Variants in FARP2 observed in about 807,000 individuals in gnomAD.
The protein encoded by FARP2 is FERM, ARH/RhoGEF and pleckstrin domain protein 2.
FARP2 carries 111 observed loss-of-function variants against 130.5 expected under a neutral mutation model. The ratio of observed to expected loss-of-function variants is 0.85; its 90% confidence interval spans 0.73 to 1.00. FARP2 has a LOEUF of 1.00. Among genes scored for constraint, FARP2 ranks in the 50% least tolerant of loss-of-function variants. The pLI is 0.00. For missense variants in FARP2, 1,385 were observed against 1,346.3 expected (o/e 1.03, Z -0.45); for synonymous variants, 504 against 516.9 (o/e 0.98, Z 0.34).
In FARP2 at chr2:241,475,792, G is replaced by C; in HGVS notation, c.2132-65G>C. 7.1e-7 allele frequency: 1 copy of C among 1,405,706 alleles called. No individual in the cohort carries two copies. The highest frequency in any genetic ancestry group is 9.4e-7 in the Non-Finnish European group (1 of 1,059,606). 87.1% of individuals were successfully genotyped at this position (1,405,706 alleles called of 1,614,324 possible). A position where few individuals can be genotyped will look rare whatever the true frequency, so the allele number is the denominator to read the frequency against. ...AGAATGCTGGTTCCTGTCACAAGGT[G>C]GTGGGTGGAGGGTGCTGTGCACACC... On this transcript the variant is annotated intron_variant, in intron 18 of 26. Transcript: ENST00000264042. This position sits in a 1 kb window ranked among gnomAD's most constrained non-coding sequence, Gnocchi z 4.4.
intron 8 of FARP2, among the ~76,000 whole-genome samples, chr2:241,426,925 A>G (rs1407504409): frequency 6.6e-6 from 1 of 152,134 alleles, no homozygotes; most frequent in Non-Finnish European, 1.5e-5. Flanking sequence ...CCATATCCGC[A>G]GGAAAATAAA....
chr2:241,464,101 C>G, intron 17 of FARP2, 121 bp downstream of exon 17: 3 of 763,414 alleles, frequency 3.9e-6, no homozygotes, highest in Non-Finnish European at 6.6e-6. Context: ...AGAACAGGAT[C>G]CCCCTCAGAG....
chr2:241,430,581 A>T (rs1418858255), intron 8 of FARP2, among the ~76,000 whole-genome samples: 1 of 152,106 alleles, frequency 6.6e-6, no homozygotes, highest in African/African-American at 2.4e-5. Flanking sequence ...TCAGTGAGAA[A>T]CCTGACTCTA....
intron 12 of FARP2, among the ~76,000 whole-genome samples, chr2:241,440,696 C>A (rs1266000260): frequency 2.0e-5 from 3 of 152,162 alleles, no homozygotes; most frequent in African/African-American, 7.2e-5. Context: ...AGAACTTGGA[C>A]TTGTTACTCA....
At chr2:241,370,643 C>T (rs1381701241) in intron 1 of FARP2, among the ~76,000 whole-genome samples, 1 of 152,120 alleles carries the variant, frequency 6.6e-6, no homozygotes, top group African/African-American at 2.4e-5. Context: ...TGAAAAGGCT[C>T]GTTTATGATT....
chr2:241,468,430 G>T (rs1288117503), intron 18 of FARP2, 53 bp downstream of exon 18: 1 of 1,432,842 alleles, frequency 7.0e-7, no homozygotes, highest in Non-Finnish European at 9.7e-7. Context: ...TGGCTGGGAG[G>T]CAGGGGCGGC....
Position 241,456,910 on chromosome 2 carries a change from G to A in FARP2, c.1575G>A (p.Glu525=). 1 of 1,597,694 alleles carries A rather than the reference G, an allele frequency of 6.3e-7. No individual in the cohort carries two copies. Among genetic ancestry groups the A allele is most frequent in the Non-Finnish European group, 8.5e-7 (1 of 1,171,332 alleles). The change falls in exon 14 of 27, where the codon GAG becomes GAA. Residue 525 remains glutamate (E), a synonymous_variant. Coordinates refer to ENST00000264042, the MANE Select transcript of FARP2 (RefSeq NM_014808.4). ...DAGGAGMDCE[E]PRHKRVPADE... ...GCGGAGCCGGGATGGACTGCGAGGA[G>A]CCCAGACACAAGGTGGGCCCCTCGA...
intron 12 of FARP2, among the ~76,000 whole-genome samples, chr2:241,437,661 TA>T (rs1215244193): frequency 3.5e-5 from 5 of 143,124 alleles, no homozygotes; most frequent in African/African-American, 1.0e-4. Context: ...TTTATTTATT[TA>T]TTTATTTATT....
chr2:241,387,438 A>G (rs984590857), intron 2 of FARP2: 4 of 152,252 alleles, frequency 2.6e-5, no homozygotes, highest in African/African-American at 9.6e-5. Flanking sequence ...CAAGATTAAT[A>G]TACCAAGATC....
chr2:241,379,463 A>G (rs1161052782), intron 2 of FARP2, among the ~76,000 whole-genome samples: 1 of 152,034 alleles, frequency 6.6e-6, no homozygotes, highest in Non-Finnish European at 1.5e-5. Context: ...TCTTTAACAT[A>G]CTCACAGTTG....
chr2:241,368,428 G>A (rs2061359853), intron 1 of FARP2, among the ~76,000 whole-genome samples: 1 of 152,110 alleles, frequency 6.6e-6, no homozygotes, highest in South Asian at 2.1e-4. Flanking sequence ...ACTGTTCATG[G>A]CCTTGCCGTG....
At chr2:241,395,417 G>A (rs1324787435) in intron 2 of FARP2, 1 of 152,108 alleles carries the variant, frequency 6.6e-6, no homozygotes, top group South Asian at 2.1e-4. Flanking sequence ...AATTAAATCT[G>A]TTTTTTCTAT....
intron 12 of FARP2, 147 bp from the exon 13 acceptor site, chr2:241,441,157 A>C (rs2063372624): frequency 1.5e-6 from 1 of 670,546 alleles, no homozygotes; most frequent in East Asian, 2.8e-5. Context: ...TCAGTTCTAC[A>C]AGGGAAAGTC....
At chr2:241,417,734 G>T (rs1033510429) in intron 7 of FARP2, among the ~76,000 whole-genome samples, 4 of 152,208 alleles carry the variant, frequency 2.6e-5, no homozygotes, top group African/African-American at 9.7e-5. Context: ...CAAAGAAAGT[G>T]TTCTACCCGT....
chr2:241,416,665 G>A (rs2062681500), intron 7 of FARP2, among the ~76,000 whole-genome samples: 2 of 152,182 alleles, frequency 1.3e-5, no homozygotes, highest in African/African-American at 4.8e-5. Context: ...AGTGGCTCAT[G>A]CCTGTAATCC....
chr2:241,442,635 G>T, intron 13 of FARP2: 1 of 339,052 alleles, frequency 2.9e-6, no homozygotes, highest in Non-Finnish European at 5.9e-6. Flanking sequence ...TCATTTCATG[G>T]ATAGATATTC....
intron 2 of FARP2, among the ~76,000 whole-genome samples, chr2:241,400,067 G>A (rs926885640): frequency 6.6e-6 from 1 of 152,194 alleles, no homozygotes; most frequent in Non-Finnish European, 1.5e-5. Context: ...TTGTGAATGT[G>A]CTTGCACCTG....
At chr2:241,474,977 C>T (rs1490259577) in intron 18 of FARP2, among the ~76,000 whole-genome samples, 1 of 152,140 alleles carries the variant, frequency 6.6e-6, no homozygotes, top group African/African-American at 2.4e-5. Flanking sequence ...CAGAGCTGGG[C>T]AGACCACTCT....
chr2:241,418,221 C>G (rs759058777), intron 8 of FARP2, 112 bp downstream of exon 8: 1 of 1,137,664 alleles, frequency 8.8e-7, no homozygotes. Context: ...GAGTACGGGC[C>G]TCGATTTGGA....
Sources: gnomAD v4.1 joint callset for allele counts (sites outside exome capture counted in the v4.1 genomes callset) on GRCh38, gnomAD v4.1.1 for gene constraint, Gnocchi (gnomAD v3.1) non-coding constraint, MANE v1.5 for transcripts, NCBI Gene and HGNC (gene_info 2026-07-23, HGNC 2026-07-21) for gene names.